NADSYN1: variants seen among roughly 807,000 people sequenced by gnomAD.
The protein encoded by NADSYN1 is glutamine-dependent NAD(+) synthetase.
In NADSYN1, 80 loss-of-function variants were observed where a neutral mutation model predicts 99.3. That is an observed-to-expected ratio of 0.81 (90% CI 0.67 to 0.97). The LOEUF is 0.97. Ranked by LOEUF, NADSYN1 falls within the 50% of genes least tolerant of loss-of-function variation. NADSYN1 has a pLI of 0.00. For missense variants in NADSYN1, 859 were observed against 948.5 expected, an observed-to-expected ratio of 0.91 and a Z score of 1.24; for synonymous variants, 385 against 372.1, an observed-to-expected ratio of 1.03 and a Z score of -0.40.
At chr11:71,463,987 G>T in intron 4 of NADSYN1, 66 bp from the exon 5 acceptor site, 1 of 1,360,174 alleles carries the variant, frequency 7.4e-7, no homozygotes, top group South Asian at 1.2e-5. Context: ...TGGTGGCACT[G>T]ACCACCGCCA....
rs938112453 is a variant in NADSYN1 at position 71,476,619 on chromosome 11, C to T, written c.799-1776C>T. On this transcript the variant is annotated intron_variant, in intron 9 of 20. Coordinates refer to ENST00000319023, the MANE Select transcript of NADSYN1 (RefSeq NM_018161.5). ...CCTGCTTTCCACATGACAGTGTCCC[C>T]AGAGGCCTCCTTGCGCTTCATCATT... The T allele has an allele frequency of 2.0e-5, 20 of 983,852 alleles. No individual in the cohort carries two copies. In the African/African-American group the frequency reaches 3.3e-4, roughly 16 times the overall value. 60.9% of individuals were successfully genotyped at this position (983,852 alleles called of 1,614,324 possible).
intron 6 of NADSYN1, among the ~76,000 whole-genome samples, chr11:71,472,873 A>T (rs1242500796): frequency 6.6e-6 from 1 of 152,220 alleles, no homozygotes; most frequent in Non-Finnish European, 1.5e-5. Context: ...ATTCTAAGGG[A>T]AGGCACCCTG....
At chr11:71,479,263 AT>A (rs528917798) in intron 10 of NADSYN1, 12,500 of 142,408 alleles carry the variant, frequency 0.088, 580 homozygotes, top group African/African-American at 0.14. Context: ...ATTTTTTTTA[AT>A]TTTTTTTTTT....
At chr11:71,496,744 T>C (rs1167944561) in intron 18 of NADSYN1, 1 of 152,630 alleles carries the variant, frequency 6.6e-6, no homozygotes, top group East Asian at 1.9e-4. Flanking sequence ...CTCCTCCCTT[T>C]CTCCACGTGT....
intron 1 of NADSYN1, among the ~76,000 whole-genome samples, chr11:71,453,656 T>C (rs1480027424): frequency 6.6e-6 from 1 of 152,220 alleles, no homozygotes; most frequent in Non-Finnish European, 1.5e-5. Flanking sequence ...GATGGACCCG[T>C]GTTCTGATAT....
At position 71,490,989 on chromosome 11, in the gene NADSYN1, A is replaced by G; in HGVS notation, c.1694+13A>G. 2 of 1,613,656 alleles carry G rather than the reference A, an allele frequency of 1.2e-6. No homozygotes were observed. On this transcript the variant is annotated intron_variant, in intron 17 of 20. Coordinates refer to ENST00000319023, the MANE Select transcript of NADSYN1 (RefSeq NM_018161.5). ...CTGCCCTGCAGAGGTGAGTGTGCTCACGGGCTGTGGCTCCACAGCCACGGG... is the reference window on the plus strand; with the variant it reads ...CTGCCCTGCAGAGGTGAGTGTGCTCGCGGGCTGTGGCTCCACAGCCACGGG...
At chr11:71,483,188 T>G (rs1326835436) in intron 14 of NADSYN1, among the ~76,000 whole-genome samples, 171 bp downstream of exon 14, 1 of 152,136 alleles carries the variant, frequency 6.6e-6, no homozygotes, top group Non-Finnish European at 1.5e-5. Context: ...TGAATAATAT[T>G]CCACTGTACG....
chr11:71,491,145 G>T (rs1349005269), intron 17 of NADSYN1, among the ~76,000 whole-genome samples, 169 bp downstream of exon 17: 1 of 152,174 alleles, frequency 6.6e-6, no homozygotes, highest in East Asian at 1.9e-4. Flanking sequence ...CTTTCTTCCT[G>T]TGGTGCCTCC....
intron 2 of NADSYN1, among the ~76,000 whole-genome samples, chr11:71,457,122 G>C (rs1300005234): frequency 6.6e-6 from 1 of 152,394 alleles, no homozygotes; most frequent in South Asian, 2.1e-4. Flanking sequence ...GCAGCGGGAC[G>C]TGTGGTGTTA....
intron 5 of NADSYN1, chr11:71,464,353 G>T: frequency 2.0e-6 from 1 of 500,322 alleles, no homozygotes; most frequent in South Asian, 2.5e-5. Flanking sequence ...CCCTCCACAG[G>T]GTGGGAGCAG....
intron 13 of NADSYN1, among the ~76,000 whole-genome samples, chr11:71,482,271 T>C (rs982699852): frequency 6.6e-6 from 1 of 152,228 alleles, no homozygotes; most frequent in Non-Finnish European, 1.5e-5. Flanking sequence ...ACCTGCCTGC[T>C]CTGTGCACGG....
chr11:71,478,339 C>T (rs528829571), intron 9 of NADSYN1, 56 bp from the exon 10 acceptor site: 55 of 1,428,134 alleles, frequency 3.9e-5, no homozygotes, highest in Admixed American at 2.3e-4. Flanking sequence ...CCAAATTACA[C>T]GTGGGAGTTG....
chr11:71,462,688 T>C (rs1314472079), intron 3 of NADSYN1, among the ~76,000 whole-genome samples: 1 of 152,228 alleles, frequency 6.6e-6, no homozygotes, highest in Non-Finnish European at 1.5e-5. Flanking sequence ...AAGGCTGGAA[T>C]TGGAACTCCA....
chr11:71,464,024 T>C, intron 4 of NADSYN1, 29 bp from the exon 5 acceptor site: 2 of 1,569,740 alleles, frequency 1.3e-6, no homozygotes, highest in Non-Finnish European at 1.7e-6. Flanking sequence ...AGGAGCCCGG[T>C]GTGCACAGCC....
At chr11:71,477,506 G>A (rs986713369) in intron 9 of NADSYN1, 46 of 1,221,332 alleles carry the variant, frequency 3.8e-5, no homozygotes, top group Non-Finnish European at 4.4e-5. Flanking sequence ...CCTGTGAACC[G>A]CCGCAGTGGT....
At position 71,468,083 on chromosome 11, in the gene NADSYN1, C is replaced by T. The variant is rs180766811; in HGVS notation, c.407+3941C>T. Among the ~76,000 whole-genome samples, 151 of 152,290 alleles carry T rather than the reference C, an allele frequency of 9.9e-4. 2 individuals are homozygous for T. The highest frequency in any genetic ancestry group is 1.7e-3 in the Non-Finnish European group (119 of 68,028). On this transcript the variant is annotated intron_variant, in intron 5 of 20. Transcript: ENST00000319023. ...GCTGGAAAAAATCCGAGGAGAGAGT[C>T]ACCGGCAGCCAGGAGTGTTAGAATC...
intron 5 of NADSYN1, among the ~76,000 whole-genome samples, chr11:71,464,777 G>A (rs1255467510): frequency 6.9e-6 from 1 of 145,542 alleles, no homozygotes; most frequent in African/African-American, 2.6e-5. Context: ...TGAGGCAGGA[G>A]AATGGCATGA....
Position 71,481,947 on chromosome 11 carries a change from G to T in NADSYN1, c.1072G>T (p.Gly358Cys). The T allele has an allele frequency of 6.2e-7, 1 of 1,608,478 alleles. No individual in the cohort carries two copies. Among genetic ancestry groups the T allele is most frequent in the South Asian group, 1.1e-5 (1 of 90,564 alleles). Residue 358 changes from glycine (G) to cysteine (C), a missense_variant, in exon 13 of 21, where the codon GGC (glycine) becomes TGC (cysteine). By Grantham distance (159) the Gly-to-Cys change is radical (BLOSUM62 -3). Coordinates refer to ENST00000319023, the MANE Select transcript of NADSYN1 (RefSeq NM_018161.5). ...GGCAGGGTTTTTGCTGCCCTTGAGT[G>T]GCGGGGTGGACAGCGCAGCCACCGC... ...QQAGFLLPLS[G>C]GVDSAATACL...
intron 18 of NADSYN1, 142 bp from the exon 19 acceptor site, chr11:71,497,341 G>T: frequency 1.0e-6 from 1 of 953,366 alleles, no homozygotes; most frequent in Non-Finnish European, 1.6e-6. Flanking sequence ...ACTAGCAATG[G>T]GGAGTAAAGC....
Sources: allele counts gnomAD v4.1 joint callset (sites outside exome capture counted in the v4.1 genomes callset), GRCh38; gene constraint gnomAD v4.1.1; transcripts MANE v1.5; gene names NCBI Gene and HGNC (gene_info 2026-07-23, HGNC 2026-07-21).